Variants in ADCY3 observed in about 807,000 individuals in gnomAD.
ADCY3 encodes the protein adenylate cyclase 3.
Under a neutral mutation model 119.4 loss-of-function variants are expected in ADCY3, and 70 were observed. The ratio of observed to expected loss-of-function variants is 0.59; its 90% CI spans 0.48 to 0.72. The LOEUF is 0.72. ADCY3 is among the 30% of genes least tolerant of loss of function. ADCY3 has a pLI of 0.00. For missense variants in ADCY3, 1,238 were observed against 1,541.6 expected, an observed-to-expected ratio of 0.80 and a Z score of 3.30; for synonymous variants, 672 against 621.4, an observed-to-expected ratio of 1.08 and a Z score of -1.21.
At position 24,824,460 on chromosome 2, in the gene ADCY3, C is replaced by T. The variant is rs1466209850; in HGVS notation, c.2654G>A (p.Arg885Gln). 26 of 1,614,128 alleles carry T rather than the reference C, an allele frequency of 1.6e-5. No individual in the cohort carries two copies. The highest frequency in any genetic ancestry group is 1.9e-5 in the Non-Finnish European group (23 of 1,180,056). ...GGTGACCAAGGCCTCGTTCCAGCGT[C>T]GCATCTCATAGACACGTTCCTTCTG... ...HDQKERVYEM[R>Q]RWNEALVTNM... Residue 885 changes from arginine to glutamine, a missense_variant, in exon 17 of 22, where the codon CGA becomes CAA. Physicochemically the swap from Arg to Gln is conservative, Grantham distance 43 (BLOSUM62 1). Coordinates refer to ENST00000679454, the MANE Select transcript of ADCY3 (RefSeq NM_004036.5).
intron 2 of ADCY3, among the ~76,000 whole-genome samples, chr2:24,892,411 C>G (rs906155890): frequency 6.6e-6 from 1 of 152,040 alleles, no homozygotes; most frequent in Non-Finnish European, 1.5e-5. Flanking sequence ...ACCAAGTGGG[C>G]CCGGCTAATT....
chr2:24,898,360 C>T lies in ADCY3; in HGVS notation c.675+19953G>A, dbSNP rs937373921. Among the ~76,000 whole-genome samples the T allele has an allele frequency of 8.5e-5, 13 of 152,048 alleles. No homozygotes were observed. Among genetic ancestry groups the T allele is most frequent in the African/African-American group, 2.9e-4 (12 of 41,400 alleles). Reference sequence around the variant, plus strand: ...ACCGAGAAGAAAGGAAGGGAGTGGACCTACTGTCTGCGGGATGGGAGTCGG... The same window carrying T: ...ACCGAGAAGAAAGGAAGGGAGTGGATCTACTGTCTGCGGGATGGGAGTCGG... On this transcript the variant is annotated intron_variant, in intron 2 of 21. Transcript: ENST00000679454. This position sits in a 1 kb window ranked among gnomAD's most constrained non-coding sequence, Gnocchi z 4.3.
In ADCY3 at chr2:24,822,744, T is replaced by A. The variant is rs566079421; in HGVS notation, c.2884-114A>T. Reference sequence around the variant, plus strand: ...CCACTAAACCCAAGAGACACTTTCCTATCAAAGTTGTTACTTAGTCTACCG... The same window carrying A: ...CCACTAAACCCAAGAGACACTTTCCAATCAAAGTTGTTACTTAGTCTACCG... On this transcript the variant is annotated intron_variant, in intron 18 of 21. Coordinates refer to ENST00000679454, the MANE Select transcript of ADCY3 (RefSeq NM_004036.5). The A allele has an allele frequency of 3.2e-5, 44 of 1,394,442 alleles. 1 individual carries two copies. In the South Asian group the frequency reaches 5.6e-4, roughly 18 times the overall value. 86.4% of individuals were successfully genotyped at this position (1,394,442 alleles called of 1,614,324 possible). A position where few individuals can be genotyped will look rare whatever the true frequency, so the allele number is the denominator to read the frequency against.
chr2:24,826,193 C>G, intron 15 of ADCY3, 67 bp from the exon 16 acceptor site: 6 of 1,417,196 alleles, frequency 4.2e-6, no homozygotes, highest in Admixed American at 3.6e-5. Flanking sequence ...CTGATTCCCT[C>G]CAACTAGATG....
At chr2:24,857,716 C>T (rs7602276) in intron 3 of ADCY3, among the ~76,000 whole-genome samples, 6,742 of 152,210 alleles carry the variant, frequency 0.044, 460 homozygotes, top group African/African-American at 0.14. Flanking sequence ...CTGTGACTGG[C>T]GGAAAGCAGA....
rs939432942 is a variant in ADCY3, at chr2:24,830,127, G to A, written c.2172+582C>T. 1.0e-3 allele frequency among the ~76,000 whole-genome samples: 150 copies of A among 144,152 alleles called. 2 individuals carry two copies. The highest frequency in any genetic ancestry group is 3.7e-3 in the African/African-American group (142 of 38,324). 94.6% of individuals were successfully genotyped at this position (144,152 alleles called of 152,430 possible). A position where few individuals can be genotyped will look rare whatever the true frequency, so the allele number is the denominator to read the frequency against. The stretch of plus-strand genomic sequence containing the variant: ...TCAATCTCGGCTCACTGCAACCTCC[G>A]CCTCCTGGGTTCAAGCGATTCTCCT... On this transcript the variant is annotated intron_variant, in intron 13 of 21. Coordinates refer to ENST00000679454, the MANE Select transcript of ADCY3 (RefSeq NM_004036.5).
At chr2:24,828,191 A>G (rs1261755315) in intron 13 of ADCY3, 30 bp from the exon 14 acceptor site, 1 of 1,609,228 alleles carries the variant, frequency 6.2e-7, no homozygotes, top group South Asian at 1.1e-5. Flanking sequence ...GCAGGGACAC[A>G]CGTTCAAGAG....
intron 9 of ADCY3, 89 bp from the exon 10 acceptor site, chr2:24,835,025 AC>A (rs1670113873): frequency 6.7e-7 from 1 of 1,487,882 alleles, no homozygotes; most frequent in African/African-American, 1.4e-5. Context: ...GAGGAAAGGA[AC>A]AAAAGAGGGC....
intron 20 of ADCY3, 140 bp downstream of exon 20, chr2:24,821,377 T>G (rs1667684119): frequency 7.9e-7 from 1 of 1,267,296 alleles, no homozygotes; most frequent in African/African-American, 1.5e-5. Context: ...GTCTTTCAGG[T>G]CTCCTTGCCC....
At chr2:24,860,430 C>A (rs1673488689) in intron 3 of ADCY3, among the ~76,000 whole-genome samples, 2 of 152,220 alleles carry the variant, frequency 1.3e-5, no homozygotes, top group Admixed American at 1.3e-4. Flanking sequence ...GCCTGCGAAG[C>A]CAGATATGTG....
intron 3 of ADCY3, among the ~76,000 whole-genome samples, chr2:24,850,817 A>G (rs1009323680): frequency 6.6e-6 from 1 of 152,258 alleles, no homozygotes; most frequent in African/African-American, 2.4e-5. Flanking sequence ...AAGAATGACC[A>G]TAATGAAACA....
Position 24,898,267 on chromosome 2 carries a change from G to A in ADCY3, c.675+20046C>T, listed in dbSNP as rs527470504. On this transcript the variant is annotated intron_variant, in intron 2 of 21. Transcript: ENST00000679454. This position sits in a 1 kb window ranked among gnomAD's most constrained non-coding sequence, Gnocchi z 4.3. Reference sequence around the variant, plus strand: ...TTCTCTCCACTCTCCCAGTTCGTGCGCCACAGAGGCCCCCGGGGAGGCTCG... The same window carrying A: ...TTCTCTCCACTCTCCCAGTTCGTGCACCACAGAGGCCCCCGGGGAGGCTCG... 1.1e-4 allele frequency among the ~76,000 whole-genome samples: 16 copies of A among 152,158 alleles called. No individual in the cohort carries two copies. Among genetic ancestry groups the A allele is most frequent in the South Asian group, 1.0e-3 (5 of 4,806 alleles).
At chr2:24,857,228 G>A (rs77391367) in intron 3 of ADCY3, among the ~76,000 whole-genome samples, 4,808 of 152,346 alleles carry the variant, frequency 0.032, 118 homozygotes, top group South Asian at 0.061. Context: ...AGGGGCCACC[G>A]TGTAGGCCAA....
rs190658850 is a variant in ADCY3 at position 24,911,764 on chromosome 2, G to T, written c.675+6549C>A. On this transcript the variant is annotated intron_variant, in intron 2 of 21. Coordinates refer to ENST00000679454, the MANE Select transcript of ADCY3 (RefSeq NM_004036.5). Reference sequence around the variant, plus strand: ...GGGTCTCATTATGTTGCCCAGGCTGGTCTTGAACTCCTGGCCTCAAGTGAT... The same window carrying T: ...GGGTCTCATTATGTTGCCCAGGCTGTTCTTGAACTCCTGGCCTCAAGTGAT... Among the ~76,000 whole-genome samples, 140 of 151,480 alleles carry T rather than the reference G, an allele frequency of 9.2e-4. 1 individual carries two copies. The highest frequency in any genetic ancestry group is 6.3e-3 in the Admixed American group (96 of 15,260).
At chr2:24,825,841 C>T (rs1668545365) in intron 16 of ADCY3, 9 of 579,150 alleles carry the variant, frequency 1.6e-5, no homozygotes, top group South Asian at 4.4e-5. Flanking sequence ...GGGGGTCGGA[C>T]GGAAGAGGTG....
rs1205483364 is a variant in ADCY3 at position 24,819,205 on chromosome 2, G to GTTCT, written c.*723_*726dup. 1 of 152,592 alleles carries GTTCT rather than the reference G, an allele frequency of 6.6e-6. No individual in the cohort carries two copies. The highest frequency in any genetic ancestry group is 1.5e-5 in the Non-Finnish European group (1 of 68,018). 9.5% of individuals were successfully genotyped at this position (152,592 alleles called of 1,614,324 possible). On this transcript the variant is annotated 3_prime_UTR_variant, in exon 22 of 22. Coordinates refer to ENST00000679454, the MANE Select transcript of ADCY3 (RefSeq NM_004036.5). ...ATAAAGCTTTTAATAAAACAGTCTT[G>GTTCT]TTCTTTATCAATACCTGTAAATTCT...
chr2:24,914,895 G>C (rs989167482), intron 2 of ADCY3, among the ~76,000 whole-genome samples: 1 of 151,972 alleles, frequency 6.6e-6, no homozygotes, highest in African/African-American at 2.4e-5. Flanking sequence ...TCATTGGTGG[G>C]GCCCCAGCCC....
At chr2:24,883,840 C>T (rs967190002) in intron 2 of ADCY3, among the ~76,000 whole-genome samples, 3 of 152,140 alleles carry the variant, frequency 2.0e-5, no homozygotes, top group Non-Finnish European at 2.9e-5. Flanking sequence ...AAACACCAAG[C>T]CCTTATTCTC....
chr2:24,884,265 G>A (rs1236826924), intron 2 of ADCY3, among the ~76,000 whole-genome samples: 1 of 151,932 alleles, frequency 6.6e-6, no homozygotes, highest in Non-Finnish European at 1.5e-5. Flanking sequence ...CAGAATCCCC[G>A]GCATCTGCAT....
Sources: gnomAD v4.1 joint callset for allele counts (sites outside exome capture counted in the v4.1 genomes callset) on GRCh38, gnomAD v4.1.1 for gene constraint, Gnocchi (gnomAD v3.1) non-coding constraint, MANE v1.5 for transcripts, NCBI Gene and HGNC (gene_info 2026-07-23, HGNC 2026-07-21) for gene names.